GRK2: variants seen among roughly 807,000 people sequenced by gnomAD.
GRK2 encodes the protein G protein-coupled receptor kinase 2.
In GRK2, 23 loss-of-function variants were observed where a neutral mutation model predicts 97.8. The observed-to-expected ratio is 0.24, with a 90% confidence interval of 0.17 to 0.33. The LOEUF is 0.33. Ranked by LOEUF, GRK2 falls within the 10% of genes least tolerant of loss-of-function variation. GRK2 has a pLI of 1.00. For synonymous variants in GRK2, 425 were observed against 381.7 expected, an observed-to-expected ratio of 1.11 and a Z score of -1.32; for missense variants, 633 against 956.9, an observed-to-expected ratio of 0.66 and a Z score of 4.47.
intron 15 of GRK2, 90 bp downstream of exon 15, chr11:67,283,318 C>T: frequency 4.2e-6 from 5 of 1,181,344 alleles, no homozygotes; most frequent in East Asian, 2.4e-5. Context: ...CCTCCAAGGT[C>T]CCAGCCTCCT....
chr11:67,275,975 C>T (rs1156623361), intron 1 of GRK2, among the ~76,000 whole-genome samples: 2 of 152,200 alleles, frequency 1.3e-5, no homozygotes, highest in Non-Finnish European at 2.9e-5. Flanking sequence ...AGCGGGTCCT[C>T]GTGACCACAG....
At position 67,266,628 on chromosome 11, in the gene GRK2, G is replaced by C. The variant is rs1859804963; in HGVS notation, c.-72G>C. On this transcript the variant is annotated 5_prime_UTR_variant, in exon 1 of 21. Transcript: ENST00000308595. ...AGGCCGAGCGAGCCGCGGCCGGGCC[G>C]GGCCGAGCGCCGAGCGAGCAGGAGC... 5 of 661,064 alleles carry C rather than the reference G, an allele frequency of 7.6e-6. No homozygotes were observed. Among genetic ancestry groups the C allele is most frequent in the East Asian group, 1.3e-4 (1 of 7,582 alleles). 40.9% of individuals were successfully genotyped at this position (661,064 alleles called of 1,614,324 possible).
intron 1 of GRK2, among the ~76,000 whole-genome samples, chr11:67,272,996 C>A (rs1859943397): frequency 6.6e-6 from 1 of 152,236 alleles, no homozygotes; most frequent in Non-Finnish European, 1.5e-5. Context: ...GGGGCTCTGG[C>A]GGCTCTCTCC....
chr11:67,281,658 A>G lies in GRK2; in HGVS notation c.756A>G (p.Pro252=). The G allele has an allele frequency of 7.9e-7, 1 of 1,258,562 alleles. No homozygotes were observed. The allele number at this position is 1,258,562 out of a possible 1,614,324, so 78.0% of individuals were successfully genotyped here. ...MLSLVSTGDC[P]FIVCMSYAFH... is the part of the protein sequence containing the mutation. ...CTCCTCTCCCCTCCTAGGACTGCCC[A>G]TTCATTGTCTGCATGTCATACGCGT... The change falls in exon 10 of 21, where the codon CCA becomes CCG. Residue 252 remains proline (P), a synonymous_variant. Transcript: ENST00000308595. The surrounding 1 kb of genome is among the most constrained non-coding windows in gnomAD (Gnocchi z 5.7).
intron 1 of GRK2, among the ~76,000 whole-genome samples, chr11:67,268,108 C>T (rs1859835310): frequency 6.6e-6 from 1 of 152,218 alleles, no homozygotes; most frequent in African/African-American, 2.4e-5. Context: ...GGGTAAGTCT[C>T]TTCCCTCACT....
chr11:67,284,806 C>A, intron 18 of GRK2, 41 bp from the exon 19 acceptor site: 1 of 1,598,888 alleles, frequency 6.3e-7, no homozygotes, highest in Non-Finnish European at 8.5e-7. Context: ...AAAAAGAAAC[C>A]CAGGTGGGGC....
intron 2 of GRK2, among the ~76,000 whole-genome samples, chr11:67,278,007 T>A (rs577150356): frequency 1.3e-5 from 2 of 152,278 alleles, no homozygotes; most frequent in African/African-American, 4.8e-5. Flanking sequence ...AGTCGGTGTG[T>A]CAAGAAGCAC....
intron 6 of GRK2, 147 bp downstream of exon 6, chr11:67,280,047 C>A: frequency 1.3e-6 from 1 of 753,886 alleles, no homozygotes; most frequent in South Asian, 1.6e-5. Flanking sequence ...TGCAAGGACT[C>A]CTGAGAAGTC....
At chr11:67,277,573 T>A (rs1860058859) in intron 2 of GRK2, among the ~76,000 whole-genome samples, 1 of 152,042 alleles carries the variant, frequency 6.6e-6, no homozygotes, top group Non-Finnish European at 1.5e-5. Context: ...GGGCCCAGAG[T>A]CTTCCAGGGC....
chr11:67,280,182 C>G lies in GRK2; in HGVS notation c.503+282C>G, dbSNP rs183158908. 4 of 506,932 alleles carry G rather than the reference C, an allele frequency of 7.9e-6. No individual in the cohort carries two copies. The Admixed American group carries it at 1.3e-4, about 16-fold the overall frequency. The allele number at this position is 506,932 out of a possible 1,614,324, so 31.4% of individuals were successfully genotyped here. On this transcript the variant is annotated intron_variant, in intron 6 of 20. Transcript: ENST00000308595. Reference sequence around the variant, plus strand: ...GTGCCACCTGTGCCTCTTTCTCTCCCGTGGGCTGTATAGCACCTTGCTGGC... The same window carrying G: ...GTGCCACCTGTGCCTCTTTCTCTCCGGTGGGCTGTATAGCACCTTGCTGGC...
rs1174739521 is a variant in GRK2, at chr11:67,277,290, G to C, written c.132G>C (p.Gln44His). ...LPEPSIRSVM[Q>H]KYLEDRGEVT... ...CCCACAGCATCCGCAGTGTCATGCA[G>C]AAGTACCTGGAGGACCGGGGCGAGG... is the stretch of plus-strand genomic sequence containing the variant. Residue 44 changes from glutamine (Q) to histidine (H), a missense_variant, in exon 2 of 21, where the codon CAG becomes CAC. Coordinates refer to ENST00000308595, the MANE Select transcript of GRK2 (RefSeq NM_001619.5). The C allele has an allele frequency of 6.2e-7, 1 of 1,613,768 alleles. No homozygotes were observed. The highest frequency in any genetic ancestry group is 1.7e-5 in the Admixed American group (1 of 60,034).
In GRK2 at chr11:67,285,273, T is replaced by G; in HGVS notation, c.1906-13T>G. ...AGAGCCCCAGCTGACAGAGCTGGGC[T>G]TGGCATGTGCAGAGCGACCCTGAGC... On this transcript the variant is annotated splice_polypyrimidine_tract_variant and intron_variant, in intron 20 of 20. Coordinates refer to ENST00000308595, the MANE Select transcript of GRK2 (RefSeq NM_001619.5). 1 of 1,609,058 alleles carries G rather than the reference T, an allele frequency of 6.2e-7. No homozygotes were observed. Among genetic ancestry groups the G allele is most frequent in the Non-Finnish European group, 8.5e-7 (1 of 1,177,812 alleles).
At position 67,279,294 on chromosome 11, in the gene GRK2, C is replaced by T. The variant is rs376722662; in HGVS notation, c.264+21C>T. 3 of 1,612,652 alleles carry T rather than the reference C, an allele frequency of 1.9e-6. No individual in the cohort carries two copies. In the African/African-American group the frequency reaches 4.0e-5, roughly 22 times the overall value. The stretch of plus-strand genomic sequence containing the variant: ...AGGAGGTGAGACCCAGAGGCCCAAG[C>T]CCTGCTCTGCCTGGAGAAAGGGGAG... On this transcript the variant is annotated intron_variant, in intron 3 of 20. Coordinates refer to ENST00000308595, the MANE Select transcript of GRK2 (RefSeq NM_001619.5).
At position 67,281,343 on chromosome 11, in the gene GRK2, C is replaced by A; in HGVS notation, c.648-116C>A. On this transcript the variant is annotated intron_variant, in intron 8 of 20. Transcript: ENST00000308595. The surrounding 1 kb of genome is among the most constrained non-coding windows in gnomAD (Gnocchi z 5.7). ...CTCCTCTGGCCCCAGCCCTCCCTGT[C>A]TCTGATTTGTGTCACACGCTGGTCC... 8.7e-7 allele frequency: 1 copy of A among 1,145,944 alleles called. No individual in the cohort carries two copies. Among genetic ancestry groups the A allele is most frequent in the Non-Finnish European group, 1.3e-6 (1 of 783,290 alleles). The allele number at this position is 1,145,944 out of a possible 1,614,324, so 71.0% of individuals were successfully genotyped here. A position where few individuals can be genotyped will look rare whatever the true frequency, so the allele number is the denominator to read the frequency against.
At chr11:67,271,181 C>T (rs1325706861) in intron 1 of GRK2, among the ~76,000 whole-genome samples, 3 of 152,218 alleles carry the variant, frequency 2.0e-5, no homozygotes, top group Non-Finnish European at 4.4e-5. Context: ...TCCTGGGCCC[C>T]TTCCCTACTC....
intron 2 of GRK2, 42 bp from the exon 3 acceptor site, chr11:67,279,158 T>A: frequency 6.4e-7 from 1 of 1,556,452 alleles, no homozygotes; most frequent in South Asian, 1.1e-5. Context: ...GGAAGGCCTC[T>A]GAGAGAGGCG....
chr11:67,280,950 G>A (rs990031152), intron 7 of GRK2, 143 bp from the exon 8 acceptor site: 60 of 1,102,066 alleles, frequency 5.4e-5, no homozygotes, highest in Non-Finnish European at 7.3e-5. Context: ...TGGGGAGGCC[G>A]GAGCAGGTAA....
chr11:67,277,157 C>T (rs956137746), intron 1 of GRK2, 115 bp from the exon 2 acceptor site: 1 of 954,222 alleles, frequency 1.0e-6, no homozygotes, highest in Non-Finnish European at 1.6e-6. Flanking sequence ...GACGGGCTGG[C>T]CTCCTTCCTG....
In GRK2 at chr11:67,286,325, T is replaced by C. The variant is rs1350124930; in HGVS notation, c.*875T>C. ...CCCATCAGTGTACCCCCGCCCAGGC[T>C]GGCCAGCCCCACAGCCCACGTCCTG... On this transcript the variant is annotated 3_prime_UTR_variant, in exon 21 of 21. Coordinates refer to ENST00000308595, the MANE Select transcript of GRK2 (RefSeq NM_001619.5). 1.5e-6 allele frequency: 1 copy of C among 677,428 alleles called. No homozygotes were observed. Among genetic ancestry groups the C allele is most frequent in the Non-Finnish European group, 2.7e-6 (1 of 376,270 alleles). 42.0% of individuals were successfully genotyped at this position (677,428 alleles called of 1,614,324 possible).
Sources: gnomAD v4.1 joint callset for allele counts (sites outside exome capture counted in the v4.1 genomes callset) on GRCh38, gnomAD v4.1.1 for gene constraint, Gnocchi (gnomAD v3.1) non-coding constraint, MANE v1.5 for transcripts, NCBI Gene and HGNC (gene_info 2026-07-23, HGNC 2026-07-21) for gene names.